Variants in HECTD2 observed in about 807,000 individuals in gnomAD.
The protein encoded by HECTD2 is probable E3 ubiquitin-protein ligase HECTD2.
A neutral mutation model predicts 103.2 loss-of-function variants in HECTD2; 35 were observed. The observed-to-expected ratio is 0.34, with a 90% CI of 0.26 to 0.45. The LOEUF is 0.45. Ranked by LOEUF, HECTD2 falls within the 20% of genes least tolerant of loss-of-function variation. The probability of loss-of-function intolerance (pLI) is 1.00; values close to 1 mark genes in which losing one functional copy is unlikely to be tolerated. For synonymous variants in HECTD2, 281 were observed against 329.9 expected, an observed-to-expected ratio of 0.85 and a Z score of 1.61; for missense variants, 596 against 937.4, an observed-to-expected ratio of 0.64 and a Z score of 4.76.
chr10:91,440,436 T>G (rs971918435), intron 2 of HECTD2, among the ~76,000 whole-genome samples: 1 of 151,984 alleles, frequency 6.6e-6, no homozygotes, highest in South Asian at 2.1e-4. Flanking sequence ...CCAACTTGAT[T>G]GTGGTGGATA....
chr10:91,414,149 G>C (rs1474115648), intron 1 of HECTD2, among the ~76,000 whole-genome samples: 2 of 152,294 alleles, frequency 1.3e-5, no homozygotes, highest in East Asian at 3.9e-4. Context: ...AGAAAAGAGA[G>C]GTTCTACATG....
intron 5 of HECTD2, among the ~76,000 whole-genome samples, chr10:91,473,349 G>A (rs1845795634): frequency 1.3e-5 from 2 of 152,168 alleles, no homozygotes; most frequent in Admixed American, 1.3e-4. Flanking sequence ...ATTGATTGAT[G>A]TAGCCGGAGA....
chr10:91,454,825 T>A (rs1278874124), intron 2 of HECTD2, among the ~76,000 whole-genome samples: 1 of 151,788 alleles, frequency 6.6e-6, no homozygotes, highest in Non-Finnish European at 1.5e-5. Context: ...CGGTGTTTGG[T>A]TTTTTGTCCT....
At chr10:91,503,294 C>T (rs992029738) in intron 20 of HECTD2, among the ~76,000 whole-genome samples, 1 of 152,140 alleles carries the variant, frequency 6.6e-6, no homozygotes, top group Non-Finnish European at 1.5e-5. Flanking sequence ...CGAATAGGAA[C>T]AGCTCCAGTC....
intron 20 of HECTD2, among the ~76,000 whole-genome samples, chr10:91,502,095 T>C (rs1211525564): frequency 6.6e-6 from 1 of 152,160 alleles, no homozygotes; most frequent in South Asian, 2.1e-4. Flanking sequence ...TTTTATCCTA[T>C]TAAACTCATG....
At chr10:91,481,296 T>C (rs139289660) in intron 7 of HECTD2, among the ~76,000 whole-genome samples, 157 bp downstream of exon 7, 141 of 151,876 alleles carry the variant, frequency 9.3e-4, no homozygotes, top group Admixed American at 1.6e-3. Context: ...TTTTTTAAAG[T>C]AGGATTAATA....
intron 2 of HECTD2, among the ~76,000 whole-genome samples, chr10:91,455,930 A>G (rs563099130): frequency 2.0e-3 from 310 of 152,072 alleles, no homozygotes; most frequent in African/African-American, 7.1e-3. Context: ...CCATTGGTCT[A>G]TATCTCTGTT....
intron 5 of HECTD2, among the ~76,000 whole-genome samples, chr10:91,473,895 A>G (rs2133250141): frequency 6.6e-6 from 1 of 152,246 alleles, no homozygotes; most frequent in East Asian, 1.9e-4. Flanking sequence ...GGATTTTTCT[A>G]CTGCATTGGG....
intron 1 of HECTD2, among the ~76,000 whole-genome samples, chr10:91,411,431 T>G (rs971450551): frequency 6.6e-6 from 1 of 152,254 alleles, no homozygotes; most frequent in Non-Finnish European, 1.5e-5. Context: ...TGCTTTGATA[T>G]ATTTAAAGAT....
intron 2 of HECTD2, among the ~76,000 whole-genome samples, chr10:91,427,000 CT>C (rs1223841733): frequency 1.0e-5 from 1 of 99,186 alleles, no homozygotes; most frequent in Non-Finnish European, 1.9e-5. Context: ...TCCCTCCCCC[CT>C]CCCCCCACCC....
chr10:91,438,092 T>C (rs1182540346), intron 2 of HECTD2, among the ~76,000 whole-genome samples: 1 of 150,408 alleles, frequency 6.6e-6, no homozygotes, highest in African/African-American at 2.4e-5. Context: ...TAAGCCATCT[T>C]TTTTTTTTTC....
At chr10:91,504,995 A>G (rs1345629406) in intron 20 of HECTD2, among the ~76,000 whole-genome samples, 1 of 152,162 alleles carries the variant, frequency 6.6e-6, no homozygotes, top group African/African-American at 2.4e-5. Flanking sequence ...AGAATTTTCA[A>G]CCCAGAATTT....
intron 7 of HECTD2, among the ~76,000 whole-genome samples, chr10:91,482,239 A>G (rs1246695530): frequency 6.6e-6 from 1 of 151,876 alleles, no homozygotes; most frequent in Non-Finnish European, 1.5e-5. Context: ...TGAAAAACAC[A>G]TGGTGCTCTC....
chr10:91,462,952 T>C (rs1845406380), intron 5 of HECTD2: 1 of 159,354 alleles, frequency 6.3e-6, no homozygotes, highest in Non-Finnish European at 1.3e-5. Flanking sequence ...TACATGTATT[T>C]CTAGGTACTT....
intron 2 of HECTD2, among the ~76,000 whole-genome samples, chr10:91,427,626 T>A (rs1180675125): frequency 1.3e-5 from 2 of 152,186 alleles, no homozygotes; most frequent in Non-Finnish European, 2.9e-5. Flanking sequence ...TCATGTGTTT[T>A]TTGGCAGCAT....
chr10:91,462,557 A>C, intron 5 of HECTD2: 1 of 1,035,452 alleles, frequency 9.7e-7, no homozygotes, highest in Non-Finnish European at 1.2e-6. Context: ...ACAGAATTTC[A>C]GATTCAGTAG....
At chr10:91,451,498 A>G (rs767824964) in intron 2 of HECTD2, among the ~76,000 whole-genome samples, 14 of 152,084 alleles carry the variant, frequency 9.2e-5, no homozygotes, top group Admixed American at 2.0e-4. Context: ...CTGCACATGT[A>G]TTCCAGAACT....
chr10:91,412,204 C>T (rs1842938798), intron 1 of HECTD2, among the ~76,000 whole-genome samples: 1 of 152,150 alleles, frequency 6.6e-6, no homozygotes, highest in African/African-American at 2.4e-5. Flanking sequence ...TGTGTTCATG[C>T]TAAAGGGAAA....
intron 5 of HECTD2, among the ~76,000 whole-genome samples, chr10:91,476,254 T>G (rs1845897348): frequency 6.6e-6 from 1 of 152,216 alleles, no homozygotes. Flanking sequence ...CTTGGTCAAG[T>G]GCAGTTGCAG....
Sources: allele counts gnomAD v4.1 joint callset (sites outside exome capture counted in the v4.1 genomes callset), GRCh38; gene constraint gnomAD v4.1.1; transcripts MANE v1.5; gene names NCBI Gene and HGNC (gene_info 2026-07-23, HGNC 2026-07-21).